HECW1: variants seen among roughly 807,000 people sequenced by gnomAD.
The protein encoded by HECW1 is E3 ubiquitin-protein ligase HECW1.
HECW1 carries 61 observed loss-of-function variants against 182.3 expected under a neutral mutation model. That is an observed-to-expected ratio of 0.33 (90% confidence interval 0.27 to 0.41). The LOEUF is 0.41. Ranked by LOEUF, HECW1 falls within the 10% of genes least tolerant of loss-of-function variation. HECW1 has a pLI of 1.00. For missense variants in HECW1, 1,739 were observed against 2,108.9 expected, an observed-to-expected ratio of 0.82 and a Z score of 3.44; for synonymous variants, 859 against 832.6, an observed-to-expected ratio of 1.03 and a Z score of -0.55.
intron 1 of HECW1, among the ~76,000 whole-genome samples, chr7:43,113,141 C>T (rs1359394693): frequency 6.6e-6 from 1 of 152,172 alleles, no homozygotes; most frequent in Non-Finnish European, 1.5e-5. Flanking sequence ...GCCGGCATCC[C>T]CGGGTGGCGA....
Position 43,444,398 on chromosome 7 carries a change from G to A in HECW1, c.1226G>A (p.Ser409Asn), listed in dbSNP as rs373792271. ...GSVPDGPGNQ[S>N]IELSRPAEEA... ...GTCCCCGATGGTCCAGGGAACCAAA[G>A]CATAGAGCTTTCCAGACCAGCTGAG... Residue 409 changes from serine (S) to asparagine (N), a missense_variant, in exon 11 of 30, where the codon AGC becomes AAC. Around this residue, in one of 5 missense-constraint regions of HECW1, gnomAD observed 971 missense variants for 1,029.1 expected, o/e 0.94. Coordinates refer to ENST00000395891, the MANE Select transcript of HECW1 (RefSeq NM_015052.5). This position sits in a 1 kb window ranked among gnomAD's most constrained non-coding sequence, Gnocchi z 4.3. 1.4e-5 allele frequency: 22 copies of A among 1,613,972 alleles called. No homozygotes were observed. Among genetic ancestry groups the A allele is most frequent in the Non-Finnish European group, 1.4e-5 (16 of 1,180,008 alleles).
At chr7:43,366,603 A>C (rs1214740713) in intron 6 of HECW1, among the ~76,000 whole-genome samples, 1 of 152,218 alleles carries the variant, frequency 6.6e-6, no homozygotes, top group African/African-American at 2.4e-5. Flanking sequence ...AATTTGGAAG[A>C]CACCTCAACT....
chr7:43,488,373 AGG>A (rs1563044928), intron 17 of HECW1, among the ~76,000 whole-genome samples: 4,760 of 122,822 alleles, frequency 0.039, 347 homozygotes, highest in Non-Finnish European at 0.057. Flanking sequence ...GAAGGAAGGA[AGG>A]AAGGAAGGAA....
At chr7:43,443,244 G>A (rs1029000541) in intron 10 of HECW1, among the ~76,000 whole-genome samples, 2 of 152,176 alleles carry the variant, frequency 1.3e-5, no homozygotes, top group African/African-American at 2.4e-5. Context: ...ACTGAGAACT[G>A]TTAGGACCTC....
rs117566442 is a variant in HECW1 at position 43,534,580 on chromosome 7, T to C, written c.4020-6583T>C. ...CCTGGGTAGAGACCTACTGCAGCTATTGGAAATTTGAGCAATTAACCTAGT... is the reference window on the plus strand; with the variant it reads ...CCTGGGTAGAGACCTACTGCAGCTACTGGAAATTTGAGCAATTAACCTAGT... On this transcript the variant is annotated intron_variant, in intron 24 of 29. Transcript: ENST00000395891. Among the ~76,000 whole-genome samples the C allele has an allele frequency of 1.1e-4, 16 of 152,346 alleles. No individual in the cohort carries two copies. In the East Asian group the frequency reaches 1.9e-3, roughly 18 times the overall value.
chr7:43,503,528 T>G (rs1486362305), intron 21 of HECW1, among the ~76,000 whole-genome samples: 3 of 152,250 alleles, frequency 2.0e-5, no homozygotes, highest in African/African-American at 7.2e-5. Context: ...TTGGATATTC[T>G]AAAAGGAATA....
At chr7:43,336,491 A>C (rs1812306376) in intron 5 of HECW1, among the ~76,000 whole-genome samples, 1 of 152,038 alleles carries the variant, frequency 6.6e-6, no homozygotes, top group Non-Finnish European at 1.5e-5. Context: ...TTGAAAGAAA[A>C]TCCAGCTTCC....
intron 2 of HECW1, among the ~76,000 whole-genome samples, chr7:43,218,204 G>A (rs1796608641): frequency 6.6e-6 from 1 of 152,200 alleles, no homozygotes; most frequent in Admixed American, 6.5e-5. Context: ...GCCATTCAGT[G>A]TAAGATATAT....
chr7:43,479,796 C>T (rs1443737561), intron 17 of HECW1, 52 bp downstream of exon 17: 8 of 1,606,452 alleles, frequency 5.0e-6, no homozygotes, highest in African/African-American at 2.7e-5. Context: ...GTCTCTGCCT[C>T]TTCCATGGGA....
At chr7:43,507,103 G>A in intron 21 of HECW1, 34 bp from the exon 22 acceptor site, 3 of 1,589,068 alleles carry the variant, frequency 1.9e-6, no homozygotes, top group South Asian at 1.2e-5. Flanking sequence ...GAAGAAGAAA[G>A]AAAGTGATGA....
chr7:43,274,443 G>T (rs1802828575), intron 3 of HECW1: 1 of 636,328 alleles, frequency 1.6e-6, no homozygotes, highest in Non-Finnish European at 2.9e-6. Flanking sequence ...ACACATACAG[G>T]GAATACTGGG....
In HECW1 at chr7:43,466,557, C is replaced by A; in HGVS notation, c.2902C>A (p.His968Asn). 2 of 1,613,638 alleles carry A rather than the reference C, an allele frequency of 1.2e-6. No individual in the cohort carries two copies. Among genetic ancestry groups the A allele is most frequent in the Non-Finnish European group, 1.7e-6 (2 of 1,179,922 alleles). The part of the protein sequence containing the change: ...ITNPEFFTVL[H>N]ANYSAYRVFT... ...CAACCCCGAGTTCTTCACTGTGCTACATGCCAATTATGTGAGTGCCCTAAA... is the reference window on the plus strand; with the variant it reads ...CAACCCCGAGTTCTTCACTGTGCTAAATGCCAATTATGTGAGTGCCCTAAA... The change falls in exon 15 of 30, where the codon CAT (histidine) becomes AAT (asparagine). Residue 968 changes from histidine (H) to asparagine (N), a missense_variant. Coordinates refer to ENST00000395891, the MANE Select transcript of HECW1 (RefSeq NM_015052.5).
chr7:43,388,310 A>G (rs764425076), intron 6 of HECW1, among the ~76,000 whole-genome samples: 1 of 152,252 alleles, frequency 6.6e-6, no homozygotes, highest in Non-Finnish European at 1.5e-5. Context: ...ATAATGGCCA[A>G]CATCACATTT....
intron 6 of HECW1, among the ~76,000 whole-genome samples, chr7:43,390,239 G>A (rs1314891816): frequency 6.6e-6 from 1 of 152,026 alleles, no homozygotes; most frequent in Non-Finnish European, 1.5e-5. Flanking sequence ...GGTGATGGTG[G>A]CATCAGAAAG....
intron 24 of HECW1, among the ~76,000 whole-genome samples, chr7:43,512,448 G>A (rs1393282290): frequency 6.6e-6 from 1 of 152,132 alleles, no homozygotes; most frequent in Non-Finnish European, 1.5e-5. Context: ...CTCTAGTGAG[G>A]CATTATCAGA....
intron 5 of HECW1, among the ~76,000 whole-genome samples, chr7:43,330,561 C>G (rs1811334035): frequency 6.6e-6 from 1 of 152,140 alleles, no homozygotes; most frequent in South Asian, 2.1e-4. Flanking sequence ...GAGCAAGGCC[C>G]TGGAAGTCAA....
At chr7:43,519,512 G>A (rs991721967) in intron 24 of HECW1, among the ~76,000 whole-genome samples, 2 of 152,186 alleles carry the variant, frequency 1.3e-5, no homozygotes, top group African/African-American at 4.8e-5. Flanking sequence ...CCAAAGTGCT[G>A]GGATTACAGG....
chr7:43,320,564 TCTTTTATTCCC>T lies in HECW1; in HGVS notation c.353-68_353-58del, dbSNP rs1392909059. 4 of 1,071,520 alleles carry T rather than the reference TCTTTTATTCCC, an allele frequency of 3.7e-6. No individual in the cohort carries two copies. In the East Asian group the frequency reaches 9.5e-5, roughly 25 times the overall value. 66.4% of individuals were successfully genotyped at this position (1,071,520 alleles called of 1,614,324 possible). A position where few individuals can be genotyped will look rare whatever the true frequency, so the allele number is the denominator to read the frequency against. On this transcript the variant is annotated intron_variant, in intron 4 of 29. Coordinates refer to ENST00000395891, the MANE Select transcript of HECW1 (RefSeq NM_015052.5). ...AAGCAGCATTTGTATCCTTTGCTTT[TCTTTTATTCCC>T]CTAAATATGCTGTTGACTGATATGT...
intron 3 of HECW1, among the ~76,000 whole-genome samples, chr7:43,247,179 T>C (rs1390821117): frequency 1.3e-5 from 2 of 152,300 alleles, no homozygotes; most frequent in South Asian, 2.1e-4. Context: ...CAAGGTGTGA[T>C]CCTTTGGTGG....
Sources: gnomAD v4.1 joint callset for allele counts (sites outside exome capture counted in the v4.1 genomes callset) on GRCh38, gnomAD v4.1.1 for gene constraint, gnomAD v4.1.1 regional missense constraint, Gnocchi (gnomAD v3.1) non-coding constraint, MANE v1.5 for transcripts, NCBI Gene and HGNC (gene_info 2026-07-23, HGNC 2026-07-21) for gene names.